The following TPRX1 variants were observed in gnomAD, a reference collection of about 807,000 sequenced individuals.
TPRX1 encodes tetra-peptide repeat homeobox protein 1.
A neutral mutation model predicts 8.1 loss-of-function variants in TPRX1; 2 were observed. The observed-to-expected ratio is 0.25, with a 90% confidence interval of 0.10 to 0.78. The LOEUF (loss-of-function observed/expected upper bound fraction) is 0.78, where lower values mean the gene tolerates loss of function less well. Ranked by LOEUF, TPRX1 falls within the 30% of genes least tolerant of loss-of-function variation. The probability of loss-of-function intolerance (pLI) is 0.70; values close to 1 mark genes in which losing one functional copy is unlikely to be tolerated. For missense variants in TPRX1, 517 were observed against 586.9 expected (o/e 0.88, Z 1.23); for synonymous variants, 257 against 254.1 (o/e 1.01, Z -0.11).
At chr19:47,802,052 G>A in exon 4 of TPRX1, 1 of 1,605,788 alleles carries the variant, frequency 6.2e-7, no homozygotes, top group Non-Finnish European at 8.5e-7. Context: ...GCCTGGGATT[G>A]GAGCTGGGAC....
chr19:47,804,993 T>C (rs1479886622), intron 2 of TPRX1, among the ~76,000 whole-genome samples: 2 of 152,226 alleles, frequency 1.3e-5, no homozygotes, highest in Non-Finnish European at 2.9e-5. Flanking sequence ...GCTGCCTGCC[T>C]TGTCCAGCCA....
chr19:47,810,348 T>A (rs1232292020), intron 2 of TPRX1, among the ~76,000 whole-genome samples: 1 of 129,154 alleles, frequency 7.7e-6, no homozygotes, highest in African/African-American at 2.8e-5. Flanking sequence ...CCATCAATTT[T>A]TTTTTTTTTT....
At chr19:47,817,944 A>G (rs1435990178) in intron 2 of TPRX1, among the ~76,000 whole-genome samples, 1 of 152,208 alleles carries the variant, frequency 6.6e-6, no homozygotes, top group Non-Finnish European at 1.5e-5. Flanking sequence ...GAGGACAAGG[A>G]GCTGAGTGGA....
chr19:47,804,594 T>C (rs1967717115), intron 2 of TPRX1, among the ~76,000 whole-genome samples, 43 bp from the exon 1 acceptor site: 2 of 152,200 alleles, frequency 1.3e-5, no homozygotes, highest in Admixed American at 1.3e-4. Flanking sequence ...GGCTTGGCTC[T>C]TAAATCACTT....
At chr19:47,803,149 G>A (rs1385087557) in intron 3 of TPRX1, among the ~76,000 whole-genome samples, 169 bp from the exon 3 acceptor site, 4 of 151,528 alleles carry the variant, frequency 2.6e-5, no homozygotes, top group Non-Finnish European at 2.9e-5. Flanking sequence ...ATGGAGGGAA[G>A]AGGGAGGGAA....
chr19:47,808,460 C>G (rs1378923190), intron 2 of TPRX1, among the ~76,000 whole-genome samples: 1 of 151,232 alleles, frequency 6.6e-6, no homozygotes, highest in African/African-American at 2.4e-5. Context: ...GAGTCTCGAT[C>G]TGTCACCCAG....
chr19:47,806,546 A>T (rs1167790196), intron 2 of TPRX1, among the ~76,000 whole-genome samples: 1 of 151,978 alleles, frequency 6.6e-6, no homozygotes, highest in Non-Finnish European at 1.5e-5. Flanking sequence ...TCCCCCAAAA[A>T]AACCCACAAA....
chr19:47,803,002 G>T lies in TPRX1; in HGVS notation c.322-22C>A, dbSNP rs530508569. ...ACACCTGGGGGGCAGAGGGGACAGGGAGAAGGTGTGAAGGAGGGGCTCGCG... is the reference window on the plus strand; with the variant it reads ...ACACCTGGGGGGCAGAGGGGACAGGTAGAAGGTGTGAAGGAGGGGCTCGCG... On this transcript the variant is annotated intron_variant, in intron 3 of 3. Transcript: ENST00000535759. 2.6e-5 allele frequency: 40 copies of T among 1,533,252 alleles called. No homozygotes were observed. The African/African-American group carries it at 4.5e-4, about 17-fold the overall frequency. 95.0% of individuals were successfully genotyped at this position (1,533,252 alleles called of 1,614,324 possible).
intron 2 of TPRX1, among the ~76,000 whole-genome samples, chr19:47,809,331 G>A (rs1314031876): frequency 4.6e-5 from 7 of 151,334 alleles, no homozygotes; most frequent in Non-Finnish European, 4.4e-5. Flanking sequence ...CCCAGGCTGC[G>A]TTGCACTGTC....
chr19:47,802,979 A>C (rs1967695346), exon 4 of TPRX1: 3 of 1,547,126 alleles, frequency 1.9e-6, no homozygotes, highest in South Asian at 2.4e-5. Context: ...CTTGAACCAC[A>C]CCTGGGGGGC....
chr19:47,801,412 C>G (rs1967661739), exon 4 of TPRX1: 1 of 199,236 alleles, frequency 5.0e-6, no homozygotes, highest in South Asian at 1.5e-4. Context: ...ACAACAAAAC[C>G]ACAAGTCATT....
chr19:47,818,285 TCCATCCATCCATCCACCCATCCATCAC>T (rs1486031938), intron 2 of TPRX1, among the ~76,000 whole-genome samples: 3 of 129,848 alleles, frequency 2.3e-5, no homozygotes, highest in East Asian at 2.2e-4. Context: ...CCATCACCCA[TCCATCCATCCATCCACCCATCCATCAC>T]CCATCCATCC....
chr19:47,812,978 G>A (rs998429789), intron 2 of TPRX1, among the ~76,000 whole-genome samples: 2 of 151,494 alleles, frequency 1.3e-5, no homozygotes, highest in Non-Finnish European at 1.5e-5. Context: ...ATGGTGGCAC[G>A]CGCCTGTAAT....
intron 2 of TPRX1, among the ~76,000 whole-genome samples, chr19:47,809,852 T>A (rs1441238240): frequency 6.6e-6 from 1 of 151,946 alleles, no homozygotes; most frequent in Non-Finnish European, 1.5e-5. Flanking sequence ...CCCCAGGCAA[T>A]GGCCAAATTC....
In TPRX1 at chr19:47,816,734, A is replaced by T. The variant is rs11668241; in HGVS notation, c.151+1734T>A. Among the ~76,000 whole-genome samples, 25 of 151,138 alleles carry T rather than the reference A, an allele frequency of 1.7e-4. 1 individual carries two copies. Among genetic ancestry groups the T allele is most frequent in the East Asian group, 1.2e-3 (6 of 5,080 alleles). On this transcript the variant is annotated intron_variant, in intron 2 of 3. Transcript: ENST00000535759. ...TTTTTAGTAGAGATGGGGTTTCACC[A>T]TGTTAGCCAGGATGGTCTCGATCTC...
chr19:47,809,217 A>C (rs1967760938), intron 2 of TPRX1, among the ~76,000 whole-genome samples: 1 of 152,226 alleles, frequency 6.6e-6, no homozygotes, highest in Non-Finnish European at 1.5e-5. Flanking sequence ...AAGAATGTAC[A>C]CATTTAATAA....
chr19:47,803,715 GC>G (rs1967706419), intron 2 of TPRX1, 42 bp from the exon 2 acceptor site: 5 of 773,352 alleles, frequency 6.5e-6, no homozygotes, highest in East Asian at 3.5e-5. Context: ...CCCCCAGGCA[GC>G]CCCCAGCCCC....
intron 2 of TPRX1, among the ~76,000 whole-genome samples, chr19:47,815,072 T>C (rs1024984452): frequency 1.5e-5 from 2 of 137,286 alleles, no homozygotes; most frequent in African/African-American, 2.8e-5. Flanking sequence ...GTGCTGGGAT[T>C]ACAGGTGTGA....
intron 2 of TPRX1, among the ~76,000 whole-genome samples, chr19:47,804,895 G>T (rs1967721057): frequency 1.3e-5 from 2 of 152,208 alleles, no homozygotes; most frequent in African/African-American, 4.8e-5. Flanking sequence ...CCGCCAGCCA[G>T]CCCCCAGGAG....
Sources: gnomAD v4.1 joint callset for allele counts (sites outside exome capture counted in the v4.1 genomes callset) on GRCh38, gnomAD v4.1.1 for gene constraint, MANE v1.5 for transcripts, NCBI Gene and HGNC (gene_info 2026-07-23, HGNC 2026-07-21) for gene names.